Variants in CNIH3 observed in about 807,000 individuals in gnomAD.
The protein encoded by CNIH3 is protein cornichon homolog 3.
A neutral mutation model predicts 24.1 loss-of-function variants in CNIH3; 14 were observed. The observed-to-expected ratio is 0.58, with a 90% confidence interval of 0.38 to 0.91. The LOEUF (loss-of-function observed/expected upper bound fraction) is 0.91. CNIH3 is among the 40% of genes least tolerant of loss of function. The pLI, the probability that CNIH3 is intolerant of heterozygous loss-of-function variation, is 0.00. For missense variants in CNIH3, 178 were observed against 196.8 expected (o/e 0.90, Z 0.57); for synonymous variants, 68 against 73.8 (o/e 0.92, Z 0.40).
chr1:224,535,850 G>A (rs1435233992), intron 2 of CNIH3, among the ~76,000 whole-genome samples: 3 of 152,238 alleles, frequency 2.0e-5, no homozygotes, highest in Admixed American at 6.5e-5. Flanking sequence ...TAGTGTGGCC[G>A]CAGGAGATGG....
At chr1:224,624,375 T>C (rs1227026831) in intron 1 of CNIH3, among the ~76,000 whole-genome samples, 4 of 152,144 alleles carry the variant, frequency 2.6e-5, no homozygotes, top group African/African-American at 9.6e-5. Flanking sequence ...TTTCCTGGCC[T>C]CCCAGACCTG....
intron 1 of CNIH3, among the ~76,000 whole-genome samples, chr1:224,642,740 G>A (rs532236802): frequency 2.0e-5 from 3 of 152,164 alleles, no homozygotes; most frequent in Non-Finnish European, 4.4e-5. Flanking sequence ...AGAATGCTTT[G>A]CGTTTCTGAT....
intron 3 of CNIH3, among the ~76,000 whole-genome samples, chr1:224,709,981 T>C (rs764370851): frequency 3.9e-5 from 6 of 152,206 alleles, no homozygotes; most frequent in Admixed American, 6.5e-5. Flanking sequence ...AGATTAACTT[T>C]ATTAATTATC....
At chr1:224,568,131 A>G (rs1002375572) in intron 4 of CNIH3, among the ~76,000 whole-genome samples, 2 of 152,112 alleles carry the variant, frequency 1.3e-5, no homozygotes, top group African/African-American at 4.8e-5. Context: ...CTTTACTAAA[A>G]ATACAAAAAT....
intron 1 of CNIH3, among the ~76,000 whole-genome samples, chr1:224,442,327 A>G (rs1055745714): frequency 2.6e-5 from 4 of 152,280 alleles, no homozygotes; most frequent in Admixed American, 2.0e-4. Flanking sequence ...TTGTATCATC[A>G]CACATAACAG....
chr1:224,713,159 A>G (rs898776857), intron 3 of CNIH3, among the ~76,000 whole-genome samples: 1 of 152,226 alleles, frequency 6.6e-6, no homozygotes, highest in Admixed American at 6.5e-5. Context: ...CCAGGTATCA[A>G]ACACACACTG....
upstream of CNIH3, among the ~76,000 whole-genome samples, chr1:224,612,677 A>C (rs1682754973): frequency 6.6e-6 from 1 of 152,230 alleles, no homozygotes. This position sits in a 1 kb window ranked among gnomAD's most constrained non-coding sequence, Gnocchi z 4.7. Context: ...TCCCTGGAGA[A>C]AGATAACATA....
At chr1:224,715,351 G>A (rs1234812908) in intron 3 of CNIH3, among the ~76,000 whole-genome samples, 3 of 151,988 alleles carry the variant, frequency 2.0e-5, no homozygotes, top group African/African-American at 7.3e-5. Context: ...TTGAAGGTTG[G>A]TGACCGCAAG....
chr1:224,676,261 A>G (rs1686134802), intron 1 of CNIH3, among the ~76,000 whole-genome samples: 3 of 152,234 alleles, frequency 2.0e-5, no homozygotes, highest in Admixed American at 2.0e-4. Flanking sequence ...AAGCCTACAT[A>G]CTGCGTGATT....
At chr1:224,694,242 C>T (rs775641515) in intron 3 of CNIH3, among the ~76,000 whole-genome samples, 7 of 152,186 alleles carry the variant, frequency 4.6e-5, no homozygotes, top group African/African-American at 1.7e-4. Context: ...GGAGAGAACA[C>T]CTTCCTCACC....
chr1:224,640,436 C>G (rs549955738), intron 1 of CNIH3, among the ~76,000 whole-genome samples: 1 of 152,220 alleles, frequency 6.6e-6, no homozygotes, highest in Non-Finnish European at 1.5e-5. Context: ...AAGCAAGATG[C>G]TTAGAAAAGC....
At chr1:224,549,253 A>T (rs1679822274) in intron 3 of CNIH3, among the ~76,000 whole-genome samples, 1 of 152,146 alleles carries the variant, frequency 6.6e-6, no homozygotes, top group Non-Finnish European at 1.5e-5. Context: ...ATATTTCCTT[A>T]ATATCACAGT....
At chr1:224,435,154 G>A in intron 1 of CNIH3, 5 of 986,074 alleles carry the variant, frequency 5.1e-6, no homozygotes, top group Non-Finnish European at 6.0e-6. Flanking sequence ...TAAGGTGCGC[G>A]GAGGGACTGC....
chr1:224,542,764 C>T (rs767284126), intron 2 of CNIH3, among the ~76,000 whole-genome samples: 1 of 152,200 alleles, frequency 6.6e-6, no homozygotes, highest in Non-Finnish European at 1.5e-5. Context: ...AAGCTCCACT[C>T]TTGCCTCTTC....
chr1:224,525,288 G>A (rs1456270995), intron 2 of CNIH3, among the ~76,000 whole-genome samples: 1 of 152,200 alleles, frequency 6.6e-6, no homozygotes, highest in African/African-American at 2.4e-5. Context: ...TTAACTAAAT[G>A]AAAGGAGAGT....
intron 3 of CNIH3, among the ~76,000 whole-genome samples, chr1:224,705,201 C>A (rs867942536): frequency 1.7e-4 from 26 of 152,168 alleles, no homozygotes; most frequent in African/African-American, 6.3e-4. Flanking sequence ...CCATTCTCCA[C>A]TTTTTTCATG....
At chr1:224,508,646 A>C (rs942195524) in intron 1 of CNIH3, among the ~76,000 whole-genome samples, 1 of 152,210 alleles carries the variant, frequency 6.6e-6, no homozygotes, top group African/African-American at 2.4e-5. Flanking sequence ...TACTCTCCTC[A>C]TGAAACTTCA....
At chr1:224,493,330 G>A (rs1398868245) in intron 1 of CNIH3, among the ~76,000 whole-genome samples, 2 of 152,148 alleles carry the variant, frequency 1.3e-5, no homozygotes, top group Non-Finnish European at 2.9e-5. Flanking sequence ...TTTTAAAGTT[G>A]TCTTTAGCAA....
chr1:224,668,150 A>G (rs988550556), intron 1 of CNIH3, among the ~76,000 whole-genome samples: 3 of 152,252 alleles, frequency 2.0e-5, no homozygotes, highest in African/African-American at 4.8e-5. Flanking sequence ...GAACAGTTAT[A>G]TATGTAAGAG....
Sources: gnomAD v4.1 joint callset for allele counts (sites outside exome capture counted in the v4.1 genomes callset) on GRCh38, gnomAD v4.1.1 for gene constraint, Gnocchi (gnomAD v3.1) non-coding constraint, MANE v1.5 for transcripts, NCBI Gene and HGNC (gene_info 2026-07-23, HGNC 2026-07-21) for gene names.